The following RHBDL2 variants were observed in gnomAD, a reference collection of about 807,000 sequenced individuals.
RHBDL2 encodes rhomboid-related protein 2.
Under a neutral mutation model 31.7 loss-of-function variants are expected in RHBDL2, and 26 were observed. The observed-to-expected ratio is 0.82, with a 90% CI of 0.60 to 1.14. RHBDL2 has a LOEUF of 1.14. Ranked by LOEUF, RHBDL2 falls within the 50% of genes most tolerant of loss-of-function variation. RHBDL2 has a pLI of 0.00. For missense variants in RHBDL2, 336 were observed against 364.4 expected (o/e 0.92, Z 0.63); for synonymous variants, 123 against 127.2 (o/e 0.97, Z 0.22).
chr1:38,887,138 T>C (rs1048754683), intron 7 of RHBDL2, among the ~76,000 whole-genome samples: 1 of 152,120 alleles, frequency 6.6e-6, no homozygotes, highest in Admixed American at 6.6e-5. Flanking sequence ...ACAGCAAAAC[T>C]GGAAAATTTT....
rs184973838 is a variant in RHBDL2 at position 38,887,784 on chromosome 1, C to T, written c.732+179G>A. On this transcript the variant is annotated intron_variant, in intron 7 of 7. Transcript: ENST00000372990. ...GGTGCAGTGAAGTAGAGCCAGTGATCAGGGCTGTGAGAGAGTTAAGTGGGA... is the reference window on the plus strand; with the variant it reads ...GGTGCAGTGAAGTAGAGCCAGTGATTAGGGCTGTGAGAGAGTTAAGTGGGA... Among the ~76,000 whole-genome samples the T allele has an allele frequency of 7.7e-3, 1,170 of 152,182 alleles. 19 individuals carry two copies. The highest frequency in any genetic ancestry group is 0.027 in the African/African-American group (1,112 of 41,518).
chr1:38,893,532 G>T (rs1184280290), intron 5 of RHBDL2, among the ~76,000 whole-genome samples: 3 of 152,022 alleles, frequency 2.0e-5, no homozygotes, highest in Non-Finnish European at 4.4e-5. Flanking sequence ...ATAAATAAAT[G>T]CTGTTAAACT....
At chr1:38,894,125 C>G (rs927140021) in intron 5 of RHBDL2, among the ~76,000 whole-genome samples, 1 of 152,068 alleles carries the variant, frequency 6.6e-6, no homozygotes, top group African/African-American at 2.4e-5. Context: ...ACATAACAAC[C>G]CAGTACACGC....
At chr1:38,888,061 T>C (rs1320911397) in intron 6 of RHBDL2, 37 bp from the exon 7 acceptor site, 3 of 1,408,346 alleles carry the variant, frequency 2.1e-6, no homozygotes, top group African/African-American at 1.4e-5. Context: ...GCTCAGAATC[T>C]CCACAGTAGT....
At chr1:38,906,938 G>A (rs1643074205) in intron 4 of RHBDL2, among the ~76,000 whole-genome samples, 1 of 152,070 alleles carries the variant, frequency 6.6e-6, no homozygotes, top group South Asian at 2.1e-4. Context: ...AAAGGCAAAG[G>A]AATTAAAACA....
intron 4 of RHBDL2, among the ~76,000 whole-genome samples, chr1:38,899,023 A>C (rs1028255424): frequency 3.3e-5 from 5 of 152,142 alleles, no homozygotes; most frequent in African/African-American, 1.2e-4. Flanking sequence ...CCAGTTACTC[A>C]CTTCCCTTGA....
At chr1:38,911,645 T>TCAC (rs1643147943) in intron 3 of RHBDL2, among the ~76,000 whole-genome samples, 2 of 64,006 alleles carry the variant, frequency 3.1e-5, no homozygotes, top group Non-Finnish European at 4.3e-5. Context: ...TGTGTGTGTG[T>TCAC]GCGCGCGCGC....
chr1:38,924,449 C>A (rs1643350218), intron 1 of RHBDL2, among the ~76,000 whole-genome samples: 1 of 152,026 alleles, frequency 6.6e-6, no homozygotes, highest in Non-Finnish European at 1.5e-5. Context: ...AAAAAATTAG[C>A]CAGGCGTGGT....
chr1:38,927,276 A>C (rs1004921867), intron 1 of RHBDL2, among the ~76,000 whole-genome samples: 1 of 152,022 alleles, frequency 6.6e-6, no homozygotes, highest in East Asian at 1.9e-4. Context: ...AAATACAAAA[A>C]ATTAGCCGGG....
chr1:38,891,279 A>G (rs527956391), intron 6 of RHBDL2, among the ~76,000 whole-genome samples: 2,986 of 151,312 alleles, frequency 0.02, 75 homozygotes, highest in African/African-American at 0.069. Flanking sequence ...AAAAAAAAAA[A>G]AAGAAGAATA....
intron 3 of RHBDL2, among the ~76,000 whole-genome samples, chr1:38,913,049 C>G (rs1438125170): frequency 6.7e-6 from 1 of 149,518 alleles, no homozygotes; most frequent in Non-Finnish European, 1.5e-5. Context: ...GTGGCGCGAT[C>G]TCGGCTCACT....
At chr1:38,922,187 T>A (rs1643324205) in intron 1 of RHBDL2, among the ~76,000 whole-genome samples, 2 of 151,922 alleles carry the variant, frequency 1.3e-5, no homozygotes, top group Admixed American at 6.6e-5. Flanking sequence ...CCTTGCCTTG[T>A]AAAGTAGACA....
intron 4 of RHBDL2, among the ~76,000 whole-genome samples, chr1:38,900,685 C>T (rs2124311706): frequency 6.6e-6 from 1 of 152,070 alleles, no homozygotes; most frequent in South Asian, 2.1e-4. Context: ...AAGATCATGC[C>T]ACCGCACTCC....
At position 38,911,416 on chromosome 1, in the gene RHBDL2, C is replaced by A. The variant is rs765129152; in HGVS notation, c.414G>T (p.Gly138=). 6.2e-7 allele frequency: 1 copy of A among 1,613,588 alleles called. No individual in the cohort carries two copies. The highest frequency in any genetic ancestry group is 8.5e-7 in the Non-Finnish European group (1 of 1,179,626). ...CCAAAACAAGCTGCATACAAAGATT[C>A]CCCAAGATGTGCTGAACTCTGCAAA... ...LVHAGVQHIL[G]NLCMQLVLGI... is the part of the protein sequence containing the mutation. The change falls in exon 4 of 8, where the codon GGG becomes GGT. Residue 138 remains glycine, a synonymous_variant. Coordinates refer to ENST00000372990, the MANE Select transcript of RHBDL2 (RefSeq NM_017821.5).
At chr1:38,940,328 A>C (rs531332757) in intron 1 of RHBDL2, among the ~76,000 whole-genome samples, 2 of 152,120 alleles carry the variant, frequency 1.3e-5, no homozygotes, top group East Asian at 3.9e-4. Context: ...ACAAACCAGC[A>C]CCTGACACCT....
At chr1:38,932,753 C>A (rs1208411037) in intron 1 of RHBDL2, among the ~76,000 whole-genome samples, 1 of 152,196 alleles carries the variant, frequency 6.6e-6, no homozygotes, top group East Asian at 1.9e-4. Flanking sequence ...AGCCACCACA[C>A]CTATTCTTGT....
At chr1:38,939,245 T>C (rs1643538758) in intron 1 of RHBDL2, among the ~76,000 whole-genome samples, 1 of 152,126 alleles carries the variant, frequency 6.6e-6, no homozygotes, top group African/African-American at 2.4e-5. Context: ...TGGTCTTTCT[T>C]TTTTCTTTTC....
At chr1:38,933,361 C>T (rs911912100) in intron 1 of RHBDL2, among the ~76,000 whole-genome samples, 24 of 152,172 alleles carry the variant, frequency 1.6e-4, no homozygotes, top group African/African-American at 5.8e-4. Context: ...CCTTCCCGCA[C>T]CCCTATATGC....
chr1:38,932,379 T>C (rs1346345305), intron 1 of RHBDL2, among the ~76,000 whole-genome samples: 1 of 152,190 alleles, frequency 6.6e-6, no homozygotes, highest in African/African-American at 2.4e-5. Context: ...GATGACTACA[T>C]GGAGAAGAAC....
Sources: allele counts gnomAD v4.1 joint callset (sites outside exome capture counted in the v4.1 genomes callset), GRCh38; gene constraint gnomAD v4.1.1; transcripts MANE v1.5; gene names NCBI Gene and HGNC (gene_info 2026-07-23, HGNC 2026-07-21).